The following CCDC63 variants were observed in gnomAD, a reference collection of about 807,000 sequenced individuals.
CCDC63 encodes coiled-coil domain containing 63, also known as coiled-coil domain-containing protein 63.
In CCDC63, 54 loss-of-function variants were observed where a neutral mutation model predicts 63.6. That is an observed-to-expected ratio of 0.85 (90% CI 0.68 to 1.07). The LOEUF is 1.07. Ranked by LOEUF, CCDC63 falls within the 50% of genes least tolerant of loss-of-function variation. The probability of loss-of-function intolerance (pLI) is 0.00; values close to 1 mark genes in which losing one functional copy is unlikely to be tolerated. For missense variants in CCDC63, 637 were observed against 689.6 expected, an observed-to-expected ratio of 0.92 and a Z score of 0.86; for synonymous variants, 253 against 266.1, an observed-to-expected ratio of 0.95 and a Z score of 0.48.
intron 1 of CCDC63, among the ~76,000 whole-genome samples, chr12:110,851,518 G>A (rs1185981165): frequency 6.6e-6 from 1 of 152,104 alleles, no homozygotes; most frequent in African/African-American, 2.4e-5. Flanking sequence ...CAGGCTAGAG[G>A]GCTGAGATCA....
intron 4 of CCDC63, among the ~76,000 whole-genome samples, chr12:110,859,497 G>C (rs924582480): frequency 6.6e-6 from 1 of 151,804 alleles, no homozygotes. Flanking sequence ...GTAGAGACAG[G>C]GTTTCACCAT....
chr12:110,877,363 C>T (rs1229963775), intron 5 of CCDC63, among the ~76,000 whole-genome samples: 2 of 151,844 alleles, frequency 1.3e-5, no homozygotes, highest in East Asian at 3.9e-4. Context: ...CAGGTGTGCG[C>T]CACCACACCC....
intron 9 of CCDC63, among the ~76,000 whole-genome samples, chr12:110,896,278 T>G (rs2071414378): frequency 6.6e-6 from 1 of 152,080 alleles, no homozygotes; most frequent in Non-Finnish European, 1.5e-5. Flanking sequence ...TGTGCTGGGA[T>G]TATAGGCGTG....
intron 10 of CCDC63, among the ~76,000 whole-genome samples, chr12:110,903,671 G>T (rs1008816452): frequency 1.3e-5 from 2 of 152,216 alleles, no homozygotes; most frequent in Non-Finnish European, 2.9e-5. Flanking sequence ...GACTGCATGG[G>T]GCTATGGAGC....
At chr12:110,904,487 C>A in intron 10 of CCDC63, 101 bp from the exon 11 acceptor site, 1 of 988,760 alleles carries the variant, frequency 1.0e-6, no homozygotes, top group Non-Finnish European at 1.6e-6. Context: ...ACCTCCTGTA[C>A]TTCCTGCTCC....
At chr12:110,856,526 G>C (rs61944267) in intron 3 of CCDC63, among the ~76,000 whole-genome samples, 8,485 of 152,202 alleles carry the variant, frequency 0.056, 475 homozygotes, top group African/African-American at 0.15. Context: ...GAGAAGACAG[G>C]AGGTCACTGG....
At position 110,902,268 on chromosome 12, in the gene CCDC63, C is replaced by A. The variant is rs117645254; in HGVS notation, c.1343-2320C>A. ...GGCTTTCAGAGGAGAAAGCCTCACC[C>A]TGCTGTGTTGACTTTTTTCTGCACA... On this transcript the variant is annotated intron_variant, in intron 10 of 11. Coordinates refer to ENST00000308208, the MANE Select transcript of CCDC63 (RefSeq NM_152591.3). Among the ~76,000 whole-genome samples the A allele has an allele frequency of 3.0e-3, 451 of 152,332 alleles. 1 individual carries two copies. Among genetic ancestry groups the A allele is most frequent in the South Asian group, 0.013 (62 of 4,830 alleles).
In CCDC63 at chr12:110,907,377, C is replaced by T. The variant is rs771510171; in HGVS notation, c.1593C>T (p.Asp531=). The T allele has an allele frequency of 6.2e-7, 1 of 1,614,086 alleles. No individual in the cohort carries two copies. Among genetic ancestry groups the T allele is most frequent in the Non-Finnish European group, 8.5e-7 (1 of 1,179,996 alleles). The part of the protein sequence containing the change: ...DHSSLRQLVL[D]NYILKENRSK... ...GCAGCCTTCGGCAGCTGGTTCTCGACAATTATATCCTGAAGGAGAATCGGA... is the reference window on the plus strand; with the variant it reads ...GCAGCCTTCGGCAGCTGGTTCTCGATAATTATATCCTGAAGGAGAATCGGA... Residue 531 remains aspartate (D), a synonymous_variant, in exon 12 of 12, where the codon GAC becomes GAT. Transcript: ENST00000308208. The surrounding 1 kb of genome is among the most constrained non-coding windows in gnomAD (Gnocchi z 4.4).
At chr12:110,869,080 T>C (rs924870597) in intron 4 of CCDC63, among the ~76,000 whole-genome samples, 7 of 152,140 alleles carry the variant, frequency 4.6e-5, no homozygotes, top group Middle Eastern at 3.2e-3. Context: ...CCAAAGGGAA[T>C]TAAAACTCAG....
chr12:110,865,464 C>CAAAAAAAAAAAAAAAAAAAAAAGAAAAA (rs10585238), intron 4 of CCDC63, among the ~76,000 whole-genome samples: 1 of 102,368 alleles, frequency 9.8e-6, no homozygotes, highest in Non-Finnish European at 2.0e-5. Flanking sequence ...CAGCATATAC[C>CAAAAAAAAAAAAAAAAAAAAAAGAAAAA]AAAAAAAAAA....
chr12:110,852,726 T>C (rs893209059), intron 1 of CCDC63, 133 bp from the exon 2 acceptor site: 2 of 638,992 alleles, frequency 3.1e-6, no homozygotes, highest in Non-Finnish European at 5.6e-6. Flanking sequence ...CGGGCAGCCA[T>C]CTGGGTATCC....
At position 110,907,177 on chromosome 12, in the gene CCDC63, C is replaced by G. The variant is rs1167105818; in HGVS notation, c.1547-154C>G. Among the ~76,000 whole-genome samples the G allele has an allele frequency of 6.6e-6, 1 of 152,156 alleles. No individual in the cohort carries two copies. The highest frequency in any genetic ancestry group is 1.5e-5 in the Non-Finnish European group (1 of 68,022). ...AAAACTAGTCATTGTCTGGGCAGCC[C>G]CAAGAAGTATATTTCTGTTCATTCT... On this transcript the variant is annotated intron_variant, in intron 11 of 11. Coordinates refer to ENST00000308208, the MANE Select transcript of CCDC63 (RefSeq NM_152591.3). The surrounding 1 kb of genome is among the most constrained non-coding windows in gnomAD (Gnocchi z 4.4).
chr12:110,896,627 G>A (rs1156774861), intron 9 of CCDC63, among the ~76,000 whole-genome samples: 2 of 152,178 alleles, frequency 1.3e-5, no homozygotes, highest in East Asian at 1.9e-4. Context: ...GCAGGAATCA[G>A]GGAAGGAAAT....
chr12:110,848,821 G>A (rs1028409222), intron 1 of CCDC63, among the ~76,000 whole-genome samples: 3 of 152,188 alleles, frequency 2.0e-5, no homozygotes, highest in African/African-American at 7.2e-5. Context: ...TTAAGATGGT[G>A]CATTACAAAT....
At chr12:110,887,509 T>C (rs1009048838) in intron 8 of CCDC63, among the ~76,000 whole-genome samples, 1 of 151,862 alleles carries the variant, frequency 6.6e-6, no homozygotes, top group Admixed American at 6.6e-5. Context: ...ACATAAAACA[T>C]AGGAAATGGA....
chr12:110,858,828 T>G, intron 4 of CCDC63, 53 bp downstream of exon 4: 2 of 1,520,656 alleles, frequency 1.3e-6, no homozygotes, highest in Non-Finnish European at 1.8e-6. Context: ...AGGGGAGGAG[T>G]TGGGGTGCAT....
rs571797510 is a variant in CCDC63 at position 110,862,180 on chromosome 12, C to T, written c.369+3405C>T. Among the ~76,000 whole-genome samples, 19 of 152,294 alleles carry T rather than the reference C, an allele frequency of 1.2e-4. 1 individual carries two copies. The East Asian group carries it at 3.7e-3, about 29-fold the overall frequency. ...GAGAAAAATTGAAGAGGAGCTGGGG[C>T]CATGGGTCTTTAGAAGCATTAGGAA... On this transcript the variant is annotated intron_variant, in intron 4 of 11. Coordinates refer to ENST00000308208, the MANE Select transcript of CCDC63 (RefSeq NM_152591.3).
intron 4 of CCDC63, among the ~76,000 whole-genome samples, chr12:110,867,849 C>T (rs2070993168): frequency 6.6e-6 from 1 of 151,746 alleles, no homozygotes; most frequent in Non-Finnish European, 1.5e-5. Flanking sequence ...CCCCTCACCT[C>T]CCGGACGGGG....
At chr12:110,855,495 C>A (rs2070759401) in intron 3 of CCDC63, among the ~76,000 whole-genome samples, 1 of 152,216 alleles carries the variant, frequency 6.6e-6, no homozygotes, top group African/African-American at 2.4e-5. Flanking sequence ...TCTGGCTCTA[C>A]TAAGTCAATC....
Sources: allele counts gnomAD v4.1 joint callset (sites outside exome capture counted in the v4.1 genomes callset), GRCh38; gene constraint gnomAD v4.1.1; non-coding constraint Gnocchi (gnomAD v3.1); transcripts MANE v1.5; gene names NCBI Gene and HGNC (gene_info 2026-07-23, HGNC 2026-07-21).